The following NCR1 variants were observed in gnomAD, a reference collection of about 807,000 sequenced individuals.
NCR1 encodes NK cell-activating receptor.
In NCR1, 30 loss-of-function variants were observed where a neutral mutation model predicts 32.5. The observed-to-expected ratio is 0.92, with a 90% CI of 0.69 to 1.25. NCR1 has a LOEUF of 1.25. NCR1 is among the 50% of genes most tolerant of loss of function. The pLI, the probability that NCR1 is intolerant of heterozygous loss-of-function variation, is 0.00. For missense variants in NCR1, 369 were observed against 380.7 expected (o/e 0.97, Z 0.26); for synonymous variants, 169 against 143.4 (o/e 1.18, Z -1.28).
the NCR1 span, among the ~76,000 whole-genome samples, chr19:54,921,923 TTTTGCTC>T: frequency 6.7e-6 from 1 of 150,330 alleles, no homozygotes; most frequent in South Asian, 2.1e-4. Flanking sequence ...GAGACAAGAG[TTTTGCTC>T]TTATTGCCCA....
At chr19:54,934,405 G>A in the NCR1 span, 3 of 1,383,022 alleles carry the variant, frequency 2.2e-6, no homozygotes, top group Non-Finnish European at 3.1e-6. This position sits in a 1 kb window ranked among gnomAD's most constrained non-coding sequence, Gnocchi z 6.7. Flanking sequence ...CGCCACGTGG[G>A]TGGCGCAGTA....
the NCR1 span, among the ~76,000 whole-genome samples, chr19:54,900,255 G>C: frequency 3.9e-5 from 6 of 152,066 alleles, no homozygotes; most frequent in African/African-American, 1.5e-4. Context: ...ATTTCACCTG[G>C]GTGCAGGCGG....
At chr19:54,918,616 C>G (rs774140811), downstream of NCR1, among the ~76,000 whole-genome samples, 37 of 152,062 alleles carry the variant, frequency 2.4e-4, no homozygotes, top group Non-Finnish European at 3.5e-4. Context: ...TGCCCTCCCC[C>G]TTCTGAGACT....
the NCR1 span, among the ~76,000 whole-genome samples, chr19:54,937,780 C>G: frequency 3.3e-5 from 5 of 151,340 alleles, no homozygotes; most frequent in Admixed American, 1.3e-4. Context: ...GCCTGTAATC[C>G]CAGCTACTCG....
chr19:54,921,842 A>C, the NCR1 span, among the ~76,000 whole-genome samples: 1 of 151,208 alleles, frequency 6.6e-6, no homozygotes, highest in African/African-American at 2.4e-5. Context: ...AGCATTAGCC[A>C]TATGCCCGTG....
At chr19:54,921,324 G>T in the NCR1 span, among the ~76,000 whole-genome samples, 1 of 152,178 alleles carries the variant, frequency 6.6e-6, no homozygotes, top group Non-Finnish European at 1.5e-5. Flanking sequence ...GCTGACTGTA[G>T]CCTTAAACAC....
At chr19:54,921,641 G>A in the NCR1 span, among the ~76,000 whole-genome samples, 68 of 151,890 alleles carry the variant, frequency 4.5e-4, no homozygotes, top group African/African-American at 1.5e-3. Context: ...GCATGGTGAC[G>A]CACACCTCTA....
chr19:54,903,460 GTATGTATACACGGATACATGTATGTATA>G (rs2067361324), upstream of NCR1, among the ~76,000 whole-genome samples: 1 of 131,806 alleles, frequency 7.6e-6, no homozygotes, highest in Admixed American at 8.8e-5. Context: ...ATACATATAT[GTATGTATACACGGATACATGTATGTATA>G]TACATATATG....
chr19:54,935,436 C>G, the NCR1 span, among the ~76,000 whole-genome samples: 1 of 152,092 alleles, frequency 6.6e-6, no homozygotes, highest in Non-Finnish European at 1.5e-5. Context: ...TGGTTCATGC[C>G]TGTAATCCTA....
At chr19:54,913,421 T>G (rs2068067501), downstream of NCR1, among the ~76,000 whole-genome samples, 1 of 152,226 alleles carries the variant, frequency 6.6e-6, no homozygotes, top group African/African-American at 2.4e-5. Context: ...TACCACTTAC[T>G]GCAAACCATA....
upstream of NCR1, among the ~76,000 whole-genome samples, chr19:54,902,974 A>G (rs2146006465): frequency 6.6e-6 from 1 of 152,160 alleles, no homozygotes; most frequent in Non-Finnish European, 1.5e-5. Context: ...TACTAAAAAT[A>G]CAAAAATTAG....
At chr19:54,924,078 A>T in the NCR1 span, among the ~76,000 whole-genome samples, 1 of 152,076 alleles carries the variant, frequency 6.6e-6, no homozygotes, top group Non-Finnish European at 1.5e-5. Flanking sequence ...AGCAATTCTC[A>T]TGCCTCAGGC....
chr19:54,901,607 G>A (rs1375096779), upstream of NCR1, among the ~76,000 whole-genome samples: 2 of 152,066 alleles, frequency 1.3e-5, no homozygotes, highest in Non-Finnish European at 2.9e-5. Context: ...GATCACTGGA[G>A]CTCCTGGAGC....
the NCR1 span, chr19:54,934,496 T>A: frequency 1.2e-6 from 2 of 1,614,054 alleles, no homozygotes; most frequent in East Asian, 2.2e-5. This position sits in a 1 kb window ranked among gnomAD's most constrained non-coding sequence, Gnocchi z 6.7. Flanking sequence ...TACGACAACA[T>A]CTGCAGGAAG....
At chr19:54,934,486 TACG>T in the NCR1 span, 6 of 1,613,980 alleles carry the variant, frequency 3.7e-6, no homozygotes, top group Non-Finnish European at 5.1e-6. The surrounding 1 kb of genome is among the most constrained non-coding windows in gnomAD (Gnocchi z 6.7). Context: ...AGAGGAGACT[TACG>T]ACAACATCTG....
At chr19:54,907,693 C>T (rs2146043892) in intron 3 of NCR1, among the ~76,000 whole-genome samples, 1 of 151,944 alleles carries the variant, frequency 6.6e-6, no homozygotes, top group African/African-American at 2.4e-5. Flanking sequence ...CTTATGGGAC[C>T]ACCATCATAT....
the NCR1 span, among the ~76,000 whole-genome samples, chr19:54,922,899 C>A: frequency 5.3e-5 from 8 of 150,790 alleles, no homozygotes; most frequent in Non-Finnish European, 1.0e-4. Context: ...GACACACACA[C>A]AGAAACAGAC....
chr19:54,931,515 C>T, the NCR1 span, among the ~76,000 whole-genome samples: 1 of 152,052 alleles, frequency 6.6e-6, no homozygotes, highest in Non-Finnish European at 1.5e-5. Context: ...TATGGAGAAA[C>T]CCGTCTCTAC....
chr19:54,921,360 G>T, the NCR1 span, among the ~76,000 whole-genome samples: 1 of 152,202 alleles, frequency 6.6e-6, no homozygotes, highest in African/African-American at 2.4e-5. Flanking sequence ...CATTTGAGAA[G>T]ACTTATCTTG....
Sources: allele counts gnomAD v4.1 joint callset (sites outside exome capture counted in the v4.1 genomes callset), GRCh38; gene constraint gnomAD v4.1.1; non-coding constraint Gnocchi (gnomAD v3.1); transcripts MANE v1.5; gene names NCBI Gene and HGNC (gene_info 2026-07-23, HGNC 2026-07-21).